COL4A1: variants seen among roughly 807,000 people sequenced by gnomAD.
COL4A1 encodes collagen alpha-1(IV) chain.
COL4A1 carries 40 observed loss-of-function variants against 216.6 expected under a neutral mutation model. The observed-to-expected ratio is 0.18, with a 90% CI of 0.14 to 0.24. The LOEUF is 0.24. COL4A1 is among the 10% of genes least tolerant of loss of function. The probability of loss-of-function intolerance (pLI) is 1.00; values close to 1 mark genes in which losing one functional copy is unlikely to be tolerated. For missense variants in COL4A1, 1,628 were observed against 2,196.8 expected (o/e 0.74, Z 5.18); for synonymous variants, 839 against 810.7 (o/e 1.03, Z -0.59).
chr13:110,215,505 G>C (rs1447841074), intron 2 of COL4A1, among the ~76,000 whole-genome samples: 3 of 148,944 alleles, frequency 2.0e-5, no homozygotes, highest in Admixed American at 6.8e-5. Context: ...AGGTTGCAGA[G>C]AGCCAAGATC....
intron 50 of COL4A1, among the ~76,000 whole-genome samples, chr13:110,153,588 A>G (rs1876615458): frequency 6.6e-6 from 1 of 152,148 alleles, no homozygotes; most frequent in Non-Finnish European, 1.5e-5. Context: ...GAACATGGCA[A>G]GCTTACATCA....
chr13:110,213,268 TAAAAAA>T (rs3837555), intron 4 of COL4A1, among the ~76,000 whole-genome samples: 1 of 150,834 alleles, frequency 6.6e-6, no homozygotes, highest in Non-Finnish European at 1.5e-5. Context: ...AAAATTGAAA[TAAAAAA>T]AAACAAAAAA....
intron 2 of COL4A1, among the ~76,000 whole-genome samples, chr13:110,228,232 G>A (rs1231953504): frequency 1.8e-5 from 2 of 112,896 alleles, no homozygotes; most frequent in South Asian, 3.3e-4. Flanking sequence ...GTGGTGGTGC[G>A]GGGGCGGGGG....
At chr13:110,192,604 G>C (rs1878688369) in intron 23 of COL4A1, among the ~76,000 whole-genome samples, 1 of 152,262 alleles carries the variant, frequency 6.6e-6, no homozygotes, top group East Asian at 1.9e-4. Context: ...GGCATGGAGG[G>C]AACTGTTATG....
Position 110,163,712 on chromosome 13 carries a change from TC to T in COL4A1, c.4151-152del, listed in dbSNP as rs199618882. The T allele has an allele frequency of 3.5e-3, 2,714 of 773,062 alleles. 50 individuals are homozygous for T. In the African/African-American group the frequency reaches 0.042, roughly 12 times the overall value. 47.9% of individuals were successfully genotyped at this position (773,062 alleles called of 1,614,324 possible). On this transcript the variant is annotated intron_variant, in intron 46 of 51. Coordinates refer to ENST00000375820, the MANE Select transcript of COL4A1 (RefSeq NM_001845.6). ...TTTTCTCGGACAGCCAGGAGTTGCT[TC>T]CCACAAAGTCGAGTACAGACTTTGC...
At chr13:110,209,485 C>T (rs1468711883) in intron 10 of COL4A1, 58 bp from the exon 11 acceptor site, 18 of 1,162,682 alleles carry the variant, frequency 1.5e-5, no homozygotes, top group Non-Finnish European at 2.3e-5. Flanking sequence ...GCTTTAAGCC[C>T]TTCTTCAGGC....
At chr13:110,283,989 G>T (rs112748505) in intron 1 of COL4A1, among the ~76,000 whole-genome samples, 7 of 152,176 alleles carry the variant, frequency 4.6e-5, no homozygotes, top group African/African-American at 1.7e-4. Context: ...TCAGCAAAGG[G>T]TCTGTCCGGT....
intron 1 of COL4A1, among the ~76,000 whole-genome samples, chr13:110,275,109 C>T (rs930493326): frequency 6.6e-6 from 1 of 152,072 alleles, no homozygotes; most frequent in African/African-American, 2.4e-5. Context: ...GAAAGACATT[C>T]AAGAGAATGG....
intron 1 of COL4A1, among the ~76,000 whole-genome samples, chr13:110,247,401 T>C (rs1415877776): frequency 6.6e-6 from 1 of 152,160 alleles, no homozygotes; most frequent in Non-Finnish European, 1.5e-5. Context: ...AAACCAAATA[T>C]CTTTTATATT....
chr13:110,285,294 C>A (rs1055193238), intron 1 of COL4A1, among the ~76,000 whole-genome samples: 2 of 152,188 alleles, frequency 1.3e-5, no homozygotes, highest in African/African-American at 4.8e-5. Context: ...CTTACGTGTG[C>A]TGCGGAATCC....
intron 15 of COL4A1, among the ~76,000 whole-genome samples, chr13:110,206,446 C>A (rs1255676078): frequency 6.6e-6 from 1 of 152,228 alleles, no homozygotes; most frequent in East Asian, 1.9e-4. Context: ...GCGGTGGCAC[C>A]TTCAGTGCTG....
chr13:110,274,098 G>A (rs1469840141), intron 1 of COL4A1, among the ~76,000 whole-genome samples: 1 of 152,144 alleles, frequency 6.6e-6, no homozygotes, highest in Non-Finnish European at 1.5e-5. Flanking sequence ...AAGATAAAAT[G>A]TGCTAAGTAC....
intron 17 of COL4A1, among the ~76,000 whole-genome samples, chr13:110,205,120 TC>T (rs1250033502): frequency 2.0e-5 from 3 of 152,188 alleles, no homozygotes; most frequent in African/African-American, 7.2e-5. Context: ...AAAAAAATAA[TC>T]TACTACCAAA....
At chr13:110,177,718 G>C in intron 33 of COL4A1, 124 bp downstream of exon 33, 2 of 968,928 alleles carry the variant, frequency 2.1e-6, no homozygotes, top group Admixed American at 1.9e-5. Flanking sequence ...CCTTCTGCTT[G>C]ATGTTCCTAA....
Position 110,165,318 on chromosome 13 carries a change from A to G in COL4A1, c.4022-328T>C, listed in dbSNP as rs59504364. On this transcript the variant is annotated intron_variant, in intron 45 of 51. Transcript: ENST00000375820. Reference sequence around the variant, plus strand: ...CAGGGAGAGAAGCTTGTTCTTCCCAAGCAGCCCCCGCTTCTGACGTGGAGA... The same window carrying G: ...CAGGGAGAGAAGCTTGTTCTTCCCAGGCAGCCCCCGCTTCTGACGTGGAGA... Among the ~76,000 whole-genome samples, 82,257 of 151,936 alleles carry G rather than the reference A, an allele frequency of 0.54. 22,546 individuals are homozygous for G. The highest frequency in any genetic ancestry group is 0.57 in the African/African-American group (23,522 of 41,412).
intron 24 of COL4A1, 133 bp downstream of exon 24, chr13:110,192,081 G>A: frequency 1.1e-6 from 1 of 877,118 alleles, no homozygotes; most frequent in Non-Finnish European, 1.9e-6. Context: ...ACTCCAGAGG[G>A]CTCGACACAG....
At chr13:110,161,667 A>G (rs1177068705) in intron 48 of COL4A1, among the ~76,000 whole-genome samples, 8 of 110,934 alleles carry the variant, frequency 7.2e-5, no homozygotes, top group Non-Finnish European at 8.3e-5. Flanking sequence ...CAGAAAATGC[A>G]GATGCTCTTT....
intron 1 of COL4A1, among the ~76,000 whole-genome samples, chr13:110,282,301 T>C (rs1269129313): frequency 1.3e-5 from 2 of 152,166 alleles, no homozygotes; most frequent in Admixed American, 6.5e-5. Context: ...CACACTGTCA[T>C]TGCGCAGACT....
chr13:110,161,815 A>G (rs917595057), intron 48 of COL4A1: 1 of 325,042 alleles, frequency 3.1e-6, no homozygotes, highest in Non-Finnish European at 5.9e-6. Flanking sequence ...AAACTAGAGG[A>G]GCAGAGCTCA....
Sources: allele counts gnomAD v4.1 joint callset (sites outside exome capture counted in the v4.1 genomes callset), GRCh38; gene constraint gnomAD v4.1.1; transcripts MANE v1.5; gene names NCBI Gene and HGNC (gene_info 2026-07-23, HGNC 2026-07-21).